The following DPP6 variants were observed in gnomAD, a reference collection of about 807,000 sequenced individuals.
The protein encoded by DPP6 is dipeptidyl peptidase like 6.
A neutral mutation model predicts 122.6 loss-of-function variants in DPP6; 69 were observed. The observed-to-expected ratio is 0.56, with a 90% CI of 0.46 to 0.69. The LOEUF (loss-of-function observed/expected upper bound fraction) is 0.69. Ranked by LOEUF, DPP6 falls within the 30% of genes least tolerant of loss-of-function variation. The pLI is 0.00. For synonymous variants in DPP6, 418 were observed against 433.1 expected (o/e 0.97, Z 0.43); for missense variants, 928 against 1,116.9 (o/e 0.83, Z 2.41).
At chr7:154,678,248 C>T (rs917200435) in intron 7 of DPP6, among the ~76,000 whole-genome samples, 2 of 152,222 alleles carry the variant, frequency 1.3e-5, no homozygotes, top group African/African-American at 2.4e-5. Context: ...AGCTGCAACC[C>T]GCAGCTCGGG....
intron 1 of DPP6, among the ~76,000 whole-genome samples, chr7:154,232,896 A>AG (rs1323170748): frequency 6.6e-6 from 1 of 152,206 alleles, no homozygotes; most frequent in African/African-American, 2.4e-5. Context: ...ATGGCATGGG[A>AG]GTTTGAAGAA....
chr7:153,869,094 G>C, the DPP6 span, among the ~76,000 whole-genome samples: 65 of 152,250 alleles, frequency 4.3e-4, no homozygotes, highest in African/African-American at 1.3e-3. Flanking sequence ...TTTTGGAATA[G>C]GTGTGGTGTG....
At chr7:154,378,591 A>C (rs1415512606) in intron 1 of DPP6, among the ~76,000 whole-genome samples, 15 of 152,164 alleles carry the variant, frequency 9.9e-5, no homozygotes, top group Non-Finnish European at 5.9e-5. Flanking sequence ...ACATGTCAGA[A>C]AGAGAGAGAG....
intron 1 of DPP6, among the ~76,000 whole-genome samples, chr7:154,355,958 T>A (rs1811239195): frequency 6.6e-6 from 1 of 152,234 alleles, no homozygotes; most frequent in Admixed American, 6.5e-5. Context: ...AATTTTCCAA[T>A]CCATGAATGT....
intron 1 of DPP6, among the ~76,000 whole-genome samples, chr7:153,990,309 T>C (rs1797109343): frequency 9.1e-6 from 1 of 109,412 alleles, no homozygotes; most frequent in Non-Finnish European, 1.8e-5. Flanking sequence ...GGTTCCTGGG[T>C]CTTGCCCCTG....
At chr7:153,814,035 C>A in the DPP6 span, among the ~76,000 whole-genome samples, 1 of 152,052 alleles carries the variant, frequency 6.6e-6, no homozygotes, top group East Asian at 1.9e-4. Flanking sequence ...AATTAGATCC[C>A]ATTTGTCAAT....
intron 8 of DPP6, among the ~76,000 whole-genome samples, chr7:154,767,253 TCTG>T (rs1285379983): frequency 1.3e-5 from 2 of 152,154 alleles, no homozygotes; most frequent in Non-Finnish European, 2.9e-5. Flanking sequence ...CCCTGTGAAT[TCTG>T]CTCACTCCCA....
intron 5 of DPP6, among the ~76,000 whole-genome samples, chr7:154,572,281 G>C (rs1394945256): frequency 1.3e-5 from 2 of 152,088 alleles, no homozygotes; most frequent in Non-Finnish European, 2.9e-5. Flanking sequence ...GATCAAACCT[G>C]CTTGGTGAGG....
intron 1 of DPP6, among the ~76,000 whole-genome samples, chr7:154,215,105 G>A (rs1799930768): frequency 6.6e-6 from 1 of 152,140 alleles, no homozygotes; most frequent in Non-Finnish European, 1.5e-5. Flanking sequence ...GAAGAAAACA[G>A]GTTTAATTCA....
chr7:154,802,791 C>T (rs1478028712), intron 13 of DPP6, among the ~76,000 whole-genome samples: 1 of 148,150 alleles, frequency 6.7e-6, no homozygotes, highest in South Asian at 2.1e-4. Flanking sequence ...AAGCTGAGAT[C>T]GTGCCACTGC....
intron 7 of DPP6, among the ~76,000 whole-genome samples, chr7:154,682,702 C>T (rs1267257301): frequency 6.6e-6 from 1 of 152,192 alleles, no homozygotes; most frequent in Non-Finnish European, 1.5e-5. Flanking sequence ...CAGGGCTCCT[C>T]CTTTGCAGAA....
intron 6 of DPP6, among the ~76,000 whole-genome samples, chr7:154,649,458 T>G (rs1317816900): frequency 2.0e-5 from 3 of 152,224 alleles, no homozygotes; most frequent in Non-Finnish European, 4.4e-5. Flanking sequence ...AGTGCCCAAC[T>G]GTCTTCCAAA....
chr7:154,236,915 C>T (rs963134669), intron 1 of DPP6, among the ~76,000 whole-genome samples: 1 of 152,116 alleles, frequency 6.6e-6, no homozygotes, highest in Non-Finnish European at 1.5e-5. Context: ...TCCCCAGCCT[C>T]CATTGCACAA....
chr7:153,788,542 T>A, the DPP6 span, among the ~76,000 whole-genome samples: 1 of 152,038 alleles, frequency 6.6e-6, no homozygotes, highest in Non-Finnish European at 1.5e-5. Context: ...ACAGTCCACA[T>A]TGGCTGGTGT....
intron 1 of DPP6, among the ~76,000 whole-genome samples, chr7:154,133,887 C>T (rs908373296): frequency 6.0e-5 from 9 of 150,856 alleles, no homozygotes; most frequent in African/African-American, 1.7e-4. Context: ...GAGTCTCTCA[C>T]AGGCTGCATC....
intron 1 of DPP6, among the ~76,000 whole-genome samples, chr7:154,340,762 A>G (rs1405571520): frequency 6.6e-6 from 1 of 152,328 alleles, no homozygotes; most frequent in African/African-American, 2.4e-5. Flanking sequence ...TAATACAGCC[A>G]CCACCTTAGT....
At chr7:154,796,117 C>T (rs962861000) in intron 12 of DPP6, 12 of 567,618 alleles carry the variant, frequency 2.1e-5, no homozygotes, top group Non-Finnish European at 2.9e-5. Context: ...AATCACGGCT[C>T]TTCAGAGCGT....
chr7:154,609,087 C>T (rs1833751571), intron 5 of DPP6, among the ~76,000 whole-genome samples: 1 of 152,168 alleles, frequency 6.6e-6, no homozygotes, highest in Non-Finnish European at 1.5e-5. Flanking sequence ...CACTAGCTGC[C>T]CAGACTTTCG....
chr7:154,677,663 G>A (rs181755267), intron 7 of DPP6, among the ~76,000 whole-genome samples: 4 of 152,348 alleles, frequency 2.6e-5, no homozygotes, highest in African/African-American at 7.2e-5. Context: ...GGAGGAGCGC[G>A]TGGGGAGAAC....
Sources: gnomAD v4.1 joint callset for allele counts (sites outside exome capture counted in the v4.1 genomes callset) on GRCh38, gnomAD v4.1.1 for gene constraint, MANE v1.5 for transcripts, NCBI Gene and HGNC (gene_info 2026-07-23, HGNC 2026-07-21) for gene names.